The following ALDH3A2 variants were observed in gnomAD, a reference collection of about 807,000 sequenced individuals.
ALDH3A2 encodes the protein aldehyde dehydrogenase 3 family member A2, also known as aldehyde dehydrogenase family 3 member A2.
Under a neutral mutation model 51.3 loss-of-function variants are expected in ALDH3A2, and 36 were observed. The ratio of observed to expected loss-of-function variants is 0.70; its 90% confidence interval spans 0.54 to 0.93. The LOEUF (loss-of-function observed/expected upper bound fraction) is 0.93, where lower values mean the gene tolerates loss of function less well. Among genes scored for constraint, ALDH3A2 ranks in the 40% least tolerant of loss-of-function variants. The pLI is 0.00. For synonymous variants in ALDH3A2, 199 were observed against 219.8 expected (o/e 0.91, Z 0.84); for missense variants, 552 against 603.1 (o/e 0.92, Z 0.89).
chr17:19,649,692 G>A (rs1468110112), intron 1 of ALDH3A2: 3 of 152,496 alleles, frequency 2.0e-5, no homozygotes, highest in Non-Finnish European at 4.4e-5. Context: ...ATAACTTTGT[G>A]TATTATTAGG....
chr17:19,675,847 T>C lies in ALDH3A2; in HGVS notation c.*275T>C. ...GCTAGGGGAGGAGAATGTATTAGAC[T>C]AAATACAAACTGCGGGGTTGTAAGG... On this transcript the variant is annotated 3_prime_UTR_variant, in exon 10 of 10. Transcript: ENST00000176643. 1 of 488,898 alleles carries C rather than the reference T, an allele frequency of 2.0e-6. No individual in the cohort carries two copies. The highest frequency in any genetic ancestry group is 3.7e-6 in the Non-Finnish European group (1 of 270,066). The allele number at this position is 488,898 out of a possible 1,614,324, so 30.3% of individuals were successfully genotyped here. A position where few individuals can be genotyped will look rare whatever the true frequency, so the allele number is the denominator to read the frequency against.
intron 5 of ALDH3A2, among the ~76,000 whole-genome samples, chr17:19,659,115 T>C (rs2084934861): frequency 6.6e-6 from 1 of 151,520 alleles, no homozygotes; most frequent in Admixed American, 6.6e-5. Context: ...CCTATAATTC[T>C]AGCTACTTGG....
intron 9 of ALDH3A2, chr17:19,674,504 A>C (rs1342269109): frequency 6.6e-6 from 1 of 152,184 alleles, no homozygotes; most frequent in East Asian, 1.9e-4. Flanking sequence ...TAGCAGAAAC[A>C]AAAAAATGTG....
At position 19,656,445 on chromosome 17, in the gene ALDH3A2, C is replaced by G; in HGVS notation, c.551C>G (p.Thr184Arg). The G allele has an allele frequency of 6.2e-7, 1 of 1,614,166 alleles. No individual in the cohort carries two copies. The highest frequency in any genetic ancestry group is 8.5e-7 in the Non-Finnish European group (1 of 1,180,034). The change falls in exon 4 of 10, where the codon ACG becomes AGG. Residue 184 changes from threonine to arginine, a missense_variant. Physicochemically the swap from Thr to Arg is moderately conservative, Grantham distance 71. Coordinates refer to ENST00000176643, the MANE Select transcript of ALDH3A2 (RefSeq NM_000382.3). ...CAGCGATTTGACCACATTTTCTATA[C>G]GGGAAACACTGCGGTTGGCAAAATT... ...LKQRFDHIFY[T>R]GNTAVGKIVM... is the part of the protein sequence containing the mutation.
chr17:19,648,605 G>T (rs1226090044), upstream of ALDH3A2: 2 of 249,684 alleles, frequency 8.0e-6, no homozygotes, highest in Admixed American at 5.3e-5. Flanking sequence ...GGCCGCGCTC[G>T]GCTCCCGCAC....
rs4646804 is a variant in ALDH3A2, at chr17:19,665,690, C to T, written c.1207+643C>T. Among the ~76,000 whole-genome samples the T allele has an allele frequency of 6.8e-3, 1,038 of 152,236 alleles. 4 individuals are homozygous for T. Among genetic ancestry groups the T allele is most frequent in the East Asian group, 0.028 (145 of 5,168 alleles). On this transcript the variant is annotated intron_variant, in intron 8 of 9. Transcript: ENST00000176643. Reference sequence around the variant, plus strand: ...TTCCCTTTAGAACATGACCTGCCTGCCTCTCCCACATGTGAGATGACTGAC... The same window carrying T: ...TTCCCTTTAGAACATGACCTGCCTGTCTCTCCCACATGTGAGATGACTGAC...
chr17:19,662,899 G>C (rs2084985122), intron 6 of ALDH3A2, among the ~76,000 whole-genome samples: 1 of 152,034 alleles, frequency 6.6e-6, no homozygotes, highest in Non-Finnish European at 1.5e-5. Flanking sequence ...CAGCTACTCG[G>C]GAGGCTGAGA....
intron 9 of ALDH3A2, among the ~76,000 whole-genome samples, 164 bp downstream of exon 9, chr17:19,672,120 AAC>A (rs1290523476): frequency 2.6e-5 from 4 of 152,182 alleles, no homozygotes; most frequent in Non-Finnish European, 2.9e-5. Flanking sequence ...AAGTTATTGG[AAC>A]ACAGCCACAC....
intron 8 of ALDH3A2, among the ~76,000 whole-genome samples, chr17:19,666,928 T>C (rs2085046501): frequency 6.6e-6 from 1 of 151,698 alleles, no homozygotes; most frequent in African/African-American, 2.4e-5. Flanking sequence ...TTCAGGCATA[T>C]AATACATTAT....
chr17:19,665,016 C>G lies in ALDH3A2; in HGVS notation c.1176C>G (p.Phe392Leu), dbSNP rs1734447616. The G allele has an allele frequency of 6.2e-7, 1 of 1,613,906 alleles. No homozygotes were observed. Among genetic ancestry groups the G allele is most frequent in the Admixed American group, 1.7e-5 (1 of 59,992 alleles). The change falls in exon 8 of 10, where the codon TTC becomes TTG. Residue 392 changes from phenylalanine to leucine, a missense_variant. Phe to Leu is a conservative substitution (Grantham distance 22). Transcript: ENST00000176643. ...CAGGCAATGACGTCATTATGCACTTCACGCTCAACTCTTTCCCATTTGGAG... is the reference window on the plus strand; with the variant it reads ...CAGGCAATGACGTCATTATGCACTTGACGCTCAACTCTTTCCCATTTGGAG... Reference protein sequence around the residue: ...GVTGNDVIMHFTLNSFPFGGV... With the variant: ...GVTGNDVIMHLTLNSFPFGGV...
At chr17:19,663,670 A>C (rs888913163) in intron 7 of ALDH3A2, among the ~76,000 whole-genome samples, 171 bp downstream of exon 7, 4 of 152,232 alleles carry the variant, frequency 2.6e-5, no homozygotes, top group Non-Finnish European at 5.9e-5. Context: ...GTCTTGGTTA[A>C]TGAGACTCTG....
At chr17:19,665,544 C>T (rs990788941) in intron 8 of ALDH3A2, among the ~76,000 whole-genome samples, 30 of 152,092 alleles carry the variant, frequency 2.0e-4, no homozygotes, top group Non-Finnish European at 2.2e-4. Context: ...TTGGGAGGAG[C>T]AGCCTCTCCT....
intron 5 of ALDH3A2, among the ~76,000 whole-genome samples, chr17:19,658,570 C>CA (rs2084927387): frequency 6.6e-6 from 1 of 151,458 alleles, no homozygotes; most frequent in African/African-American, 2.4e-5. Flanking sequence ...ACTAAAAATA[C>CA]AAAAAAATCA....
chr17:19,665,159 C>G, intron 8 of ALDH3A2, 112 bp downstream of exon 8: 1 of 952,226 alleles, frequency 1.1e-6, no homozygotes, highest in Non-Finnish European at 1.6e-6. Flanking sequence ...TGATTGTCCT[C>G]TCCTGAGGGA....
chr17:19,656,429 G>T lies in ALDH3A2; in HGVS notation c.535G>T (p.Asp179Tyr). Residue 179 changes from aspartate to tyrosine, a missense_variant, in exon 4 of 10, where the codon GAC (aspartate) becomes TAC (tyrosine). Asp to Tyr is a radical substitution (Grantham distance 160, BLOSUM62 -3). Transcript: ENST00000176643. ...CACGGAGCTCCTGAAGCAGCGATTT[G>T]ACCACATTTTCTATACGGGAAACAC... Reference protein sequence around the residue: ...ETTELLKQRFDHIFYTGNTAV... With the variant: ...ETTELLKQRFYHIFYTGNTAV... 1 of 1,614,148 alleles carries T rather than the reference G, an allele frequency of 6.2e-7. No homozygotes were observed. The highest frequency in any genetic ancestry group is 1.1e-5 in the South Asian group (1 of 91,042).
chr17:19,661,501 A>G (rs2084966252), intron 6 of ALDH3A2: 3 of 511,606 alleles, frequency 5.9e-6, no homozygotes, highest in Non-Finnish European at 1.0e-5. Context: ...ATATTTACAC[A>G]TAACTCCTTT....
At position 19,649,474 on chromosome 17, in the gene ALDH3A2, GTTTC is replaced by G. The variant is rs545937507; in HGVS notation, c.153+358_153+361del. The stretch of plus-strand genomic sequence containing the variant: ...ACTGTATTGTGGATACTTTCTTTGG[GTTTC>G]TTTCTTTTCTTTTTTTTTAAGCCAA... On this transcript the variant is annotated intron_variant, in intron 1 of 9. Transcript: ENST00000176643. The G allele has an allele frequency of 6.9e-5, 13 of 188,894 alleles. No homozygotes were observed. In the South Asian group the frequency reaches 1.5e-3, roughly 22 times the overall value. The allele number at this position is 188,894 out of a possible 1,614,324, so 11.7% of individuals were successfully genotyped here. A position where few individuals can be genotyped will look rare whatever the true frequency, so the allele number is the denominator to read the frequency against.
At chr17:19,672,759 G>C (rs1268823303) in intron 9 of ALDH3A2, among the ~76,000 whole-genome samples, 3 of 152,086 alleles carry the variant, frequency 2.0e-5, no homozygotes, top group Non-Finnish European at 4.4e-5. Flanking sequence ...AAATTTGAAA[G>C]GGGGCCGGCG....
chr17:19,648,757 C>A lies in ALDH3A2; in HGVS notation c.-215C>A, dbSNP rs996835923. 14 of 642,002 alleles carry A rather than the reference C, an allele frequency of 2.2e-5. No individual in the cohort carries two copies. The highest frequency in any genetic ancestry group is 5.5e-5 in the African/African-American group (3 of 54,962). 39.8% of individuals were successfully genotyped at this position (642,002 alleles called of 1,614,324 possible). On this transcript the variant is annotated 5_prime_UTR_variant, in exon 1 of 10. Transcript: ENST00000176643. The stretch of plus-strand genomic sequence containing the variant: ...GAGGCTTTGGGTCGAGCTCAGTCCT[C>A]CCCCGGCGCCTCCGACTGGCAGTGG...
Sources: allele counts gnomAD v4.1 joint callset (sites outside exome capture counted in the v4.1 genomes callset), GRCh38; gene constraint gnomAD v4.1.1; transcripts MANE v1.5; gene names NCBI Gene and HGNC (gene_info 2026-07-23, HGNC 2026-07-21).